The following KAZN variants were observed in gnomAD, a reference collection of about 807,000 sequenced individuals.
KAZN encodes kazrin, periplakin interacting protein, also known as kazrin.
In KAZN, 40 loss-of-function variants were observed where a neutral mutation model predicts 87.4. The ratio of observed to expected loss-of-function variants is 0.46; its 90% CI spans 0.36 to 0.60. KAZN has a LOEUF of 0.60. Among genes scored for constraint, KAZN ranks in the 20% least tolerant of loss-of-function variants. KAZN has a pLI of 0.00. For synonymous variants in KAZN, 466 were observed against 458.3 expected (o/e 1.02, Z -0.22); for missense variants, 898 against 1,073.9 (o/e 0.84, Z 2.29).
intron 2 of KAZN, among the ~76,000 whole-genome samples, chr1:14,205,884 C>CAAAAAAAAAAAAA (rs70997121): frequency 0.14 from 5,082 of 35,194 alleles, 2,030 homozygotes; most frequent in Non-Finnish European, 0.18. Flanking sequence ...GACACTGTCT[C>CAAAAAAAAAAAAA]AAAAAAAAAA....
At chr1:14,777,404 C>A (rs1226550328) in intron 1 of KAZN, among the ~76,000 whole-genome samples, 1 of 152,098 alleles carries the variant, frequency 6.6e-6, no homozygotes, top group Non-Finnish European at 1.5e-5. Flanking sequence ...TCTAGCTGAC[C>A]CCAGTGCCCT....
Position 14,695,510 on chromosome 1 carries a change from C to CTTTTTTTTTTTTTTTT in KAZN, c.226+96302_226+96303insTTTTTTTTTTTTTTTT, listed in dbSNP as rs112667110. 9.2e-4 allele frequency among the ~76,000 whole-genome samples: 78 copies of CTTTTTTTTTTTTTTTT among 85,016 alleles called. 9 individuals carry two copies. Among genetic ancestry groups the CTTTTTTTTTTTTTTTT allele is most frequent in the East Asian group, 5.3e-3 (14 of 2,636 alleles). 55.8% of individuals were successfully genotyped at this position (85,016 alleles called of 152,430 possible). On this transcript the variant is annotated intron_variant, in intron 1 of 14. Coordinates refer to ENST00000376030, the MANE Select transcript of KAZN (RefSeq NM_201628.3). ...CCTCTTTCCCCAGACTACATTCCAT[C>CTTTTTTTTTTTTTTTT]TTTTTTTTTTTTTTTGATGGAGTCT...
chr1:14,499,187 C>T (rs746157755), intron 2 of KAZN, among the ~76,000 whole-genome samples: 20 of 152,256 alleles, frequency 1.3e-4, no homozygotes, highest in Non-Finnish European at 2.6e-4. Context: ...CTGATGCTAG[C>T]TCTAGCTCAG....
At chr1:14,681,059 C>T (rs1221470102) in intron 1 of KAZN, among the ~76,000 whole-genome samples, 2 of 152,102 alleles carry the variant, frequency 1.3e-5, no homozygotes. Flanking sequence ...ACATTTCAAG[C>T]CACTAGATCT....
chr1:14,266,888 TTTA>T (rs942952765), intron 2 of KAZN, among the ~76,000 whole-genome samples: 1 of 151,940 alleles, frequency 6.6e-6, no homozygotes, highest in Non-Finnish European at 1.5e-5. Context: ...TTCTTTTTAT[TTTA>T]TTATTATTAT....
intron 1 of KAZN, among the ~76,000 whole-genome samples, chr1:14,956,655 G>A (rs1363642150): frequency 1.4e-4 from 21 of 152,014 alleles, no homozygotes; most frequent in Non-Finnish European, 1.5e-5. Flanking sequence ...TTCTACCTGT[G>A]TGACAATGGA....
chr1:14,582,488 A>G (rs1675616340), intron 2 of KAZN, among the ~76,000 whole-genome samples: 1 of 152,146 alleles, frequency 6.6e-6, no homozygotes, highest in Admixed American at 6.5e-5. Context: ...ACAAACCCTG[A>G]TGGCACTTTG....
intron 1 of KAZN, among the ~76,000 whole-genome samples, chr1:14,922,753 C>A (rs1246678389): frequency 4.7e-5 from 7 of 150,142 alleles, no homozygotes; most frequent in Non-Finnish European, 7.4e-5. Context: ...GATCACACCA[C>A]CGCACTCCAG....
intron 2 of KAZN, among the ~76,000 whole-genome samples, chr1:14,507,436 A>G (rs4528111): frequency 0.17 from 25,957 of 152,128 alleles, 2,473 homozygotes; most frequent in Non-Finnish European, 0.22. Context: ...CATAAACATT[A>G]GTTTCTATGG....
chr1:15,106,057 A>T (rs2100728121), intron 13 of KAZN, among the ~76,000 whole-genome samples: 1 of 152,170 alleles, frequency 6.6e-6, no homozygotes, highest in African/African-American at 2.4e-5. Context: ...AGGCAGGAGG[A>T]TTGCTTGAGT....
At chr1:14,750,098 A>G (rs937323830) in intron 1 of KAZN, among the ~76,000 whole-genome samples, 4 of 152,178 alleles carry the variant, frequency 2.6e-5, no homozygotes, top group African/African-American at 9.7e-5. Context: ...TACTGTGGTA[A>G]TGTAAGATGC....
intron 1 of KAZN, among the ~76,000 whole-genome samples, chr1:14,827,293 G>A (rs1351785062): frequency 1.3e-5 from 2 of 152,082 alleles, no homozygotes; most frequent in African/African-American, 2.4e-5. Context: ...TGGGGTACAG[G>A]TGGCATTTGG....
chr1:14,399,553 A>G (rs943918), intron 2 of KAZN, among the ~76,000 whole-genome samples: 22,961 of 151,950 alleles, frequency 0.15, 1,881 homozygotes, highest in East Asian at 0.23. Context: ...GACCAATCCC[A>G]AGCTTTGAGA....
intron 2 of KAZN, among the ~76,000 whole-genome samples, chr1:14,413,419 T>C (rs984765695): frequency 4.0e-5 from 6 of 151,414 alleles, no homozygotes; most frequent in Admixed American, 3.3e-4. Context: ...TGAAACCCCC[T>C]CTCTACTAAA....
chr1:15,068,267 G>A, intron 8 of KAZN: 1 of 202,378 alleles, frequency 4.9e-6, no homozygotes, highest in Non-Finnish European at 8.8e-6. Context: ...TGGGTTCTGG[G>A]AGGGGGGATG....
intron 2 of KAZN, among the ~76,000 whole-genome samples, chr1:14,569,448 G>A (rs1025366246): frequency 4.1e-5 from 6 of 147,212 alleles, no homozygotes; most frequent in African/African-American, 1.0e-4. Flanking sequence ...TCAGCCTCCC[G>A]AGTAGCTGGG....
intron 1 of KAZN, among the ~76,000 whole-genome samples, chr1:14,755,011 G>A (rs978215189): frequency 2.6e-5 from 4 of 151,568 alleles, no homozygotes; most frequent in African/African-American, 9.7e-5. Flanking sequence ...AGCGGCCAAG[G>A]CGGGAGGATC....
rs556641468 is a variant in KAZN at position 14,999,500 on chromosome 1, C to T, written c.419-35249C>T. ...TCAGCCCCAGGCATTGCCTGCCCCC[C>T]TCCCCCCGCCCCGCCATCCAGACCT... On this transcript the variant is annotated intron_variant, in intron 2 of 14. Transcript: ENST00000376030. 1.9e-3 allele frequency among the ~76,000 whole-genome samples: 272 copies of T among 146,992 alleles called. 4 individuals are homozygous for T. In the South Asian group the frequency reaches 0.019, roughly 10 times the overall value.
intron 2 of KAZN, among the ~76,000 whole-genome samples, chr1:14,514,389 ATATATATTTATATATATAATATATAAAT>A (rs1671123538): frequency 1.4e-4 from 2 of 14,514 alleles, no homozygotes; most frequent in Non-Finnish European, 1.4e-4. Context: ...TATATATATT[ATATATATTTATATATATAATATATAAAT>A]ATATATATAA....
Sources: gnomAD v4.1 joint callset for allele counts (sites outside exome capture counted in the v4.1 genomes callset) on GRCh38, gnomAD v4.1.1 for gene constraint, MANE v1.5 for transcripts, NCBI Gene and HGNC (gene_info 2026-07-23, HGNC 2026-07-21) for gene names.